The following HS3ST2 variants were observed in gnomAD, a reference collection of about 807,000 sequenced individuals.
HS3ST2 encodes the protein heparan sulfate glucosamine 3-O-sulfotransferase 2.
Under a neutral mutation model 26.3 loss-of-function variants are expected in HS3ST2, and 17 were observed. That is an observed-to-expected ratio of 0.65 (90% CI 0.44 to 0.97). The LOEUF (loss-of-function observed/expected upper bound fraction) is 0.97. Ranked by LOEUF, HS3ST2 falls within the 50% of genes least tolerant of loss-of-function variation. The pLI is 0.00. For synonymous variants in HS3ST2, 237 were observed against 219.2 expected (o/e 1.08, Z -0.72); for missense variants, 402 against 501.2 (o/e 0.80, Z 1.89).
chr16:22,840,350 G>A lies in HS3ST2; in HGVS notation c.485+25255G>A, dbSNP rs911105522. The stretch of plus-strand genomic sequence containing the variant: ...TTCTTTGCTGGGTAAAGAAACCTTT[G>A]CAATTTACCAGCAGGAGTTCACAAA... On this transcript the variant is annotated intron_variant, in intron 1 of 1. Coordinates refer to ENST00000261374, the MANE Select transcript of HS3ST2 (RefSeq NM_006043.2). 2.0e-5 allele frequency among the ~76,000 whole-genome samples: 3 copies of A among 151,886 alleles called. No individual in the cohort carries two copies. The East Asian group carries it at 5.8e-4, about 29-fold the overall frequency.
rs532321720 is a variant in HS3ST2 at position 22,821,212 on chromosome 16, T to C, written c.485+6117T>C. 1.2e-4 allele frequency among the ~76,000 whole-genome samples: 18 copies of C among 152,200 alleles called. No individual in the cohort carries two copies. The South Asian group carries it at 3.7e-3, about 32-fold the overall frequency. ...ATAAGATGCGATGGTGGGCATGTCC[T>C]TCATGGCCTGCTGTACAGAGGCACT... On this transcript the variant is annotated intron_variant, in intron 1 of 1. Coordinates refer to ENST00000261374, the MANE Select transcript of HS3ST2 (RefSeq NM_006043.2).
chr16:22,828,101 G>A (rs1901116551), intron 1 of HS3ST2, among the ~76,000 whole-genome samples: 1 of 152,112 alleles, frequency 6.6e-6, no homozygotes, highest in South Asian at 2.1e-4. Context: ...ACTTGCCCCT[G>A]GCTTGACTGG....
chr16:22,906,956 A>G (rs1902364439), intron 1 of HS3ST2, among the ~76,000 whole-genome samples: 1 of 152,184 alleles, frequency 6.6e-6, no homozygotes, highest in African/African-American at 2.4e-5. Context: ...AAATGGATGC[A>G]TAACTAACAA....
chr16:22,896,443 A>G (rs1398161721), intron 1 of HS3ST2, among the ~76,000 whole-genome samples: 1 of 152,180 alleles, frequency 6.6e-6, no homozygotes, highest in East Asian at 1.9e-4. Context: ...AGGTCTCTTT[A>G]ATGAAATCTT....
intron 1 of HS3ST2, among the ~76,000 whole-genome samples, chr16:22,905,097 T>C (rs888464965): frequency 6.6e-6 from 1 of 152,264 alleles, no homozygotes; most frequent in Non-Finnish European, 1.5e-5. Flanking sequence ...GTTGCCCAGT[T>C]AGAAGCCAAT....
chr16:22,855,696 G>GTCTCTCTCTCTCTCTCTCTCTCTCTC (rs3078722), intron 1 of HS3ST2, among the ~76,000 whole-genome samples: 13 of 142,932 alleles, frequency 9.1e-5, no homozygotes, highest in East Asian at 2.1e-4. Context: ...CTGTCTCTCT[G>GTCTCTCTCTCTCTCTCTCTCTCTCTC]TCTCTCTCTC....
intron 1 of HS3ST2, among the ~76,000 whole-genome samples, chr16:22,852,183 A>G (rs1401522426): frequency 6.6e-6 from 1 of 152,216 alleles, no homozygotes; most frequent in Non-Finnish European, 1.5e-5. Context: ...AGTGAGCAGG[A>G]CAGCCCCCAT....
chr16:22,835,922 C>A (rs1901247276), intron 1 of HS3ST2, among the ~76,000 whole-genome samples: 1 of 147,760 alleles, frequency 6.8e-6, no homozygotes, highest in African/African-American at 2.5e-5. Flanking sequence ...GATAAGGAAA[C>A]AAGGAAGTAT....
At chr16:22,836,989 A>G (rs1430277688) in intron 1 of HS3ST2, among the ~76,000 whole-genome samples, 2 of 152,126 alleles carry the variant, frequency 1.3e-5, no homozygotes, top group Non-Finnish European at 2.9e-5. Flanking sequence ...CACCTCTGAA[A>G]TCATGGATCT....
intron 1 of HS3ST2, among the ~76,000 whole-genome samples, chr16:22,891,604 T>C (rs893598990): frequency 3.9e-5 from 6 of 152,222 alleles, no homozygotes; most frequent in African/African-American, 1.4e-4. Flanking sequence ...AAAAAATCAA[T>C]TTTAAAATTA....
At chr16:22,869,639 C>G (rs1901804283) in intron 1 of HS3ST2, among the ~76,000 whole-genome samples, 1 of 152,080 alleles carries the variant, frequency 6.6e-6, no homozygotes, top group Non-Finnish European at 1.5e-5. Context: ...CTTTTAAAAC[C>G]ATCAGATCTG....
chr16:22,824,178 G>C (rs2239334), intron 1 of HS3ST2, among the ~76,000 whole-genome samples: 21,944 of 152,240 alleles, frequency 0.14, 1,716 homozygotes, highest in East Asian at 0.22. Flanking sequence ...TCATGTGAGA[G>C]AGGACGTCCC....
intron 1 of HS3ST2, among the ~76,000 whole-genome samples, chr16:22,884,200 G>A (rs1902029576): frequency 6.6e-6 from 1 of 152,040 alleles, no homozygotes. Context: ...CCATTCTTGG[G>A]GCTTCACATG....
intron 1 of HS3ST2, among the ~76,000 whole-genome samples, chr16:22,825,959 G>T (rs535260791): frequency 6.6e-6 from 1 of 152,242 alleles, no homozygotes; most frequent in East Asian, 1.9e-4. Flanking sequence ...GGAGGCAGAG[G>T]TTGCAGTGAG....
chr16:22,912,538 G>A (rs80096575), intron 1 of HS3ST2, among the ~76,000 whole-genome samples: 11,449 of 152,256 alleles, frequency 0.075, 530 homozygotes, highest in African/African-American at 0.11. Flanking sequence ...AGGGCAAGCC[G>A]GTGTTGTTAG....
chr16:22,839,775 A>T (rs1011499102), intron 1 of HS3ST2, among the ~76,000 whole-genome samples: 1 of 152,200 alleles, frequency 6.6e-6, no homozygotes, highest in African/African-American at 2.4e-5. Flanking sequence ...AATATGATGA[A>T]AATTACATTG....
chr16:22,865,595 A>C (rs1370808980), intron 1 of HS3ST2, among the ~76,000 whole-genome samples: 1 of 152,166 alleles, frequency 6.6e-6, no homozygotes, highest in African/African-American at 2.4e-5. Context: ...CAGAGATTTT[A>C]TATATGAGTT....
chr16:22,820,455 G>C (rs1900975377), intron 1 of HS3ST2, among the ~76,000 whole-genome samples: 1 of 152,226 alleles, frequency 6.6e-6, no homozygotes, highest in Non-Finnish European at 1.5e-5. Flanking sequence ...AAAAGAAAAA[G>C]AGGTTTAATG....
At chr16:22,891,552 A>T (rs1028330660) in intron 1 of HS3ST2, among the ~76,000 whole-genome samples, 3 of 152,244 alleles carry the variant, frequency 2.0e-5, no homozygotes, top group African/African-American at 7.2e-5. Context: ...AAGGATTAAC[A>T]TTACAAAGGA....
Sources: allele counts gnomAD v4.1 joint callset (sites outside exome capture counted in the v4.1 genomes callset), GRCh38; gene constraint gnomAD v4.1.1; transcripts MANE v1.5; gene names NCBI Gene and HGNC (gene_info 2026-07-23, HGNC 2026-07-21).